Variants in LCORL observed in about 807,000 individuals in gnomAD.
The protein encoded by LCORL is ligand dependent nuclear receptor corepressor like.
In LCORL, 41 loss-of-function variants were observed where a neutral mutation model predicts 141.8. That is an observed-to-expected ratio of 0.29 (90% confidence interval 0.23 to 0.38). LCORL has a LOEUF of 0.38. Among genes scored for constraint, LCORL ranks in the 10% least tolerant of loss-of-function variants. LCORL has a pLI of 1.00. For missense variants in LCORL, 1,759 were observed against 2,035.0 expected (o/e 0.86, Z 2.61); for synonymous variants, 618 against 694.1 (o/e 0.89, Z 1.72).
At chr4:17,882,039 G>A (rs1294470458) in intron 6 of LCORL, 2 of 982,668 alleles carry the variant, frequency 2.0e-6, no homozygotes, top group South Asian at 4.7e-5. Context: ...TAGCTGAAGA[G>A]GGTTAAGTAT....
At chr4:18,019,614 G>A (rs960474220) in intron 1 of LCORL, among the ~76,000 whole-genome samples, 1 of 151,882 alleles carries the variant, frequency 6.6e-6, no homozygotes, top group African/African-American at 2.4e-5. Flanking sequence ...TTTAAAGTTT[G>A]ACTATTTTTC....
intron 7 of LCORL, among the ~76,000 whole-genome samples, chr4:17,866,546 CAG>C (rs1047948656): frequency 1.3e-5 from 2 of 151,154 alleles, no homozygotes; most frequent in African/African-American, 4.9e-5. Flanking sequence ...TTGCATAACA[CAG>C]AAAAAAAGTA....
At chr4:17,864,692 A>G (rs572138429) in intron 7 of LCORL, among the ~76,000 whole-genome samples, 2 of 152,372 alleles carry the variant, frequency 1.3e-5, no homozygotes, top group Non-Finnish European at 2.9e-5. Flanking sequence ...CTGAAAAGGC[A>G]GAGATTGTCG....
Position 17,876,587 on chromosome 4 carries a change from T to TA in LCORL, c.2402dup (p.Ser802IlefsTer16). The TA allele has an allele frequency of 8.1e-7, 1 of 1,230,896 alleles. No individual in the cohort carries two copies. The highest frequency in any genetic ancestry group is 3.2e-5 in the East Asian group (1 of 31,626). The allele number at this position is 1,230,896 out of a possible 1,614,324, so 76.2% of individuals were successfully genotyped here. On this transcript the variant is annotated frameshift_variant, in exon 7 of 8. Coordinates refer to ENST00000635767, the Ensembl canonical transcript of LCORL. LOFTEE classifies it high-confidence loss of function. ...GATCGTTTTTTGTTGTGGATTCGGA[T>TA]ACTTTTTTGGCTTTAGGGGATTTTT...
At chr4:17,997,034 T>C (rs571327650) in intron 1 of LCORL, among the ~76,000 whole-genome samples, 22 of 152,158 alleles carry the variant, frequency 1.4e-4, no homozygotes, top group Admixed American at 2.6e-4. Flanking sequence ...TGTTTAAACA[T>C]TTGAACTTTT....
rs2610989 is a variant in LCORL at position 18,021,211 on chromosome 4, T to C, written c.154+387A>G. 0.73 allele frequency among the ~76,000 whole-genome samples: 111,632 copies of C among 151,978 alleles called. 41,271 individuals carry two copies. Among genetic ancestry groups the C allele is most frequent in the South Asian group, 0.85 (4,127 of 4,830 alleles). On this transcript the variant is annotated intron_variant, in intron 1 of 7. Coordinates refer to ENST00000635767, the Ensembl canonical transcript of LCORL. The surrounding 1 kb of genome is among the most constrained non-coding windows in gnomAD (Gnocchi z 5.5). ...CTCCGGCCGCCCTGCCCGCCGGCTC[T>C]CCTCCGCCAGGGCGCCGACCCACCG...
intron 5 of LCORL, among the ~76,000 whole-genome samples, chr4:17,889,173 G>A (rs1033006443): frequency 3.9e-5 from 6 of 151,936 alleles, no homozygotes; most frequent in East Asian, 1.9e-4. Context: ...CAACTATAGC[G>A]CATTTTAATC....
At chr4:17,965,239 T>C (rs1714637032) in intron 2 of LCORL, among the ~76,000 whole-genome samples, 1 of 152,162 alleles carries the variant, frequency 6.6e-6, no homozygotes, top group South Asian at 2.1e-4. Flanking sequence ...AATCACTCTT[T>C]CTATATTAAC....
intron 4 of LCORL, among the ~76,000 whole-genome samples, chr4:17,909,626 C>A (rs1047857990): frequency 6.6e-6 from 1 of 152,078 alleles, no homozygotes; most frequent in Non-Finnish European, 1.5e-5. Flanking sequence ...AGAAGCGGAA[C>A]AACTTATTCT....
In LCORL at chr4:17,922,038, T is replaced by C. The variant is rs377700496; in HGVS notation, c.431-12693A>G. On this transcript the variant is annotated intron_variant, in intron 4 of 7. Transcript: ENST00000635767. Reference sequence around the variant, plus strand: ...TGTCGGCTTCCCTACTTTTGAGGTTTTGGGACTCAGGCTGGCTTCCTTACT... The same window carrying C: ...TGTCGGCTTCCCTACTTTTGAGGTTCTGGGACTCAGGCTGGCTTCCTTACT... 7.2e-5 allele frequency among the ~76,000 whole-genome samples: 11 copies of C among 152,288 alleles called. No individual in the cohort carries two copies. The East Asian group carries it at 1.5e-3, about 21-fold the overall frequency.
exon 7 of LCORL, chr4:17,874,276 G>A (rs1018003898): frequency 8.1e-7 from 1 of 1,233,830 alleles, no homozygotes; most frequent in Non-Finnish European, 1.0e-6. Flanking sequence ...TGCAGTATAT[G>A]CAATTTCTCT....
chr4:17,874,982 T>C (rs1577302167), exon 7 of LCORL: 4 of 1,233,710 alleles, frequency 3.2e-6, no homozygotes, highest in East Asian at 6.3e-5. Context: ...AATGCAGAGA[T>C]GGTTTTCTAT....
intron 4 of LCORL, among the ~76,000 whole-genome samples, chr4:17,935,057 A>G (rs114542905): frequency 0.01 from 1,555 of 152,242 alleles, 17 homozygotes; most frequent in Non-Finnish European, 0.018. Flanking sequence ...AAAAAAAGTG[A>G]TATTATACAG....
chr4:17,989,754 C>T (rs908072632), intron 1 of LCORL, among the ~76,000 whole-genome samples: 5 of 152,212 alleles, frequency 3.3e-5, no homozygotes, highest in Non-Finnish European at 5.9e-5. Flanking sequence ...TAACAAAAGA[C>T]CACAAACTGT....
At chr4:17,920,008 C>T (rs991264276) in intron 4 of LCORL, among the ~76,000 whole-genome samples, 3 of 152,234 alleles carry the variant, frequency 2.0e-5, no homozygotes, top group Non-Finnish European at 2.9e-5. Context: ...CTCCACACTC[C>T]ATTCCCCATG....
chr4:17,897,902 C>G (rs975140104), intron 5 of LCORL, among the ~76,000 whole-genome samples: 1 of 152,144 alleles, frequency 6.6e-6, no homozygotes, highest in Non-Finnish European at 1.5e-5. Flanking sequence ...AGACCACACT[C>G]CAGGTTTAGG....
At chr4:17,981,174 A>T (rs1307300001) in intron 1 of LCORL, among the ~76,000 whole-genome samples, 3 of 152,202 alleles carry the variant, frequency 2.0e-5, no homozygotes, top group Non-Finnish European at 4.4e-5. Flanking sequence ...AACCTTTCAT[A>T]AACGGCTTAT....
chr4:17,974,179 C>CTGCACTTG (rs1053068982), intron 1 of LCORL, among the ~76,000 whole-genome samples: 2 of 152,090 alleles, frequency 1.3e-5, no homozygotes, highest in African/African-American at 2.4e-5. Flanking sequence ...AGAAATATTA[C>CTGCACTTG]TGCACTTGTG....
At chr4:17,876,256 T>C (rs1726909074) in exon 7 of LCORL, 11 of 1,230,674 alleles carry the variant, frequency 8.9e-6, no homozygotes, top group Non-Finnish European at 1.0e-5. Context: ...AAATCCACTG[T>C]AGGCATGCAG....
Sources: allele counts gnomAD v4.1 joint callset (sites outside exome capture counted in the v4.1 genomes callset), GRCh38; gene constraint gnomAD v4.1.1; non-coding constraint Gnocchi (gnomAD v3.1); transcripts MANE v1.5; gene names NCBI Gene and HGNC (gene_info 2026-07-23, HGNC 2026-07-21).